RDH13: variants seen among roughly 807,000 people sequenced by gnomAD.
The protein encoded by RDH13 is retinol dehydrogenase 13 (all-trans and 9-cis).
Under a neutral mutation model 28.3 loss-of-function variants are expected in RDH13, and 35 were observed. That is an observed-to-expected ratio of 1.24 (90% confidence interval 0.95 to 1.64). RDH13 has a LOEUF of 1.64. Ranked by LOEUF, RDH13 falls within the 40% of genes most tolerant of loss-of-function variation. RDH13 has a pLI of 0.00. For synonymous variants in RDH13, 229 were observed against 198.5 expected (o/e 1.15, Z -1.29); for missense variants, 514 against 446.3 (o/e 1.15, Z -1.37).
At chr19:55,045,330 A>G (rs1157088328) in intron 6 of RDH13, 21 bp from the exon 7 acceptor site, 4 of 1,585,402 alleles carry the variant, frequency 2.5e-6, no homozygotes, top group African/African-American at 1.3e-5. Flanking sequence ...CCCACAGGGC[A>G]TTTAGTCCAC....
At chr19:55,047,098 G>C in intron 6 of RDH13, 2 of 1,330,000 alleles carry the variant, frequency 1.5e-6, no homozygotes. Context: ...GGTGAAGCTG[G>C]AGTTACCCTG....
intron 6 of RDH13, chr19:55,046,629 A>C (rs1480709876): frequency 6.6e-6 from 1 of 152,056 alleles, no homozygotes; most frequent in East Asian, 1.9e-4. Context: ...ACTAGTCATA[A>C]AGCATGAACT....
rs111427426 is a variant in RDH13 at position 55,052,063 on chromosome 19, C to CTTTTT, written c.341-3305_341-3301dup. On this transcript the variant is annotated intron_variant, in intron 3 of 6. Transcript: ENST00000415061. ...TTTGTTTATCTGGGAACTGCCTCAACTTTTTTTTTTTTTTTTTTTTTTTGG... is the reference window on the plus strand; with the variant it reads ...TTTGTTTATCTGGGAACTGCCTCAACTTTTTTTTTTTTTTTTTTTTTTTTTTTTGG... Among the ~76,000 whole-genome samples the CTTTTT allele has an allele frequency of 2.6e-3, 315 of 120,638 alleles. 1 individual carries two copies. Among genetic ancestry groups the CTTTTT allele is most frequent in the African/African-American group, 3.7e-3 (109 of 29,286 alleles). 79.1% of individuals were successfully genotyped at this position (120,638 alleles called of 152,430 possible).
intron 3 of RDH13, among the ~76,000 whole-genome samples, chr19:55,049,417 C>T (rs565180746): frequency 2.0e-5 from 3 of 152,272 alleles, no homozygotes; most frequent in Middle Eastern, 3.4e-3. Context: ...CTGTAAAATG[C>T]GCTGAACCAC....
rs779810279 is a variant in RDH13, at chr19:55,047,503, A to G, written c.659-15T>C. ...CACACCAGAGCCTGGGGAAGAAAGA[A>G]AGAGAAGACTGAGGGAGGGGTCCAG... On this transcript the variant is annotated splice_polypyrimidine_tract_variant and intron_variant, in intron 5 of 6. Coordinates refer to ENST00000415061, the MANE Select transcript of RDH13 (RefSeq NM_001145971.2). The G allele has an allele frequency of 4.4e-6, 7 of 1,598,884 alleles. No individual in the cohort carries two copies. Among genetic ancestry groups the G allele is most frequent in the South Asian group, 1.1e-5 (1 of 90,102 alleles).
At chr19:55,051,115 C>T (rs754875205) in intron 3 of RDH13, 3 of 152,010 alleles carry the variant, frequency 2.0e-5, no homozygotes, top group Non-Finnish European at 4.4e-5. Flanking sequence ...ACTGGAAATA[C>T]AGGGTGGACA....
chr19:55,050,334 C>T (rs1198145957), intron 3 of RDH13, among the ~76,000 whole-genome samples: 1 of 152,168 alleles, frequency 6.6e-6, no homozygotes, highest in East Asian at 1.9e-4. Flanking sequence ...CCAGGCTAGT[C>T]TCACACTCCT....
chr19:55,045,848 G>A (rs544666477), intron 6 of RDH13, among the ~76,000 whole-genome samples: 1 of 151,580 alleles, frequency 6.6e-6, no homozygotes, highest in African/African-American at 2.4e-5. Flanking sequence ...CGGGAGGCTG[G>A]GGCAGGAGAA....
At chr19:55,065,262 C>T (rs113785891), upstream of RDH13, among the ~76,000 whole-genome samples, 3,104 of 151,456 alleles carry the variant, frequency 0.02, 118 homozygotes, top group African/African-American at 0.072. Context: ...CACGCATCTG[C>T]ACCCTCAGCT....
At chr19:55,048,239 C>G in intron 5 of RDH13, 90 bp downstream of exon 5, 6 of 1,576,546 alleles carry the variant, frequency 3.8e-6, no homozygotes, top group South Asian at 3.4e-5. Context: ...CTGGATCCAC[C>G]GTTTGGCCTC....
chr19:55,065,748 C>T (rs916622209), upstream of RDH13, among the ~76,000 whole-genome samples: 9 of 151,730 alleles, frequency 5.9e-5, no homozygotes, highest in African/African-American at 2.2e-4. Context: ...TTGAGAGTCT[C>T]TCTCCGATGC....
intron 3 of RDH13, among the ~76,000 whole-genome samples, chr19:55,053,142 T>C (rs1283666078): frequency 9.0e-6 from 1 of 111,532 alleles, no homozygotes; most frequent in Non-Finnish European, 1.8e-5. Flanking sequence ...TCTCACAAAC[T>C]GATCTTCCCA....
chr19:55,052,318 G>T (rs62122055), intron 3 of RDH13, among the ~76,000 whole-genome samples: 67,039 of 150,720 alleles, frequency 0.44, 15,124 homozygotes, highest in East Asian at 0.58. Flanking sequence ...TGAGGCAGGA[G>T]AATTATTTGA....
intron 1 of RDH13, chr19:55,068,853 A>AGAAGAAAAGAAAT (rs1418160438): frequency 8.3e-6 from 1 of 120,194 alleles, no homozygotes; most frequent in African/African-American, 3.3e-5. Flanking sequence ...AGAAAAGAAA[A>AGAAGAAAAGAAAT]GAAAAAAAGA....
chr19:55,045,446 A>G lies in RDH13; in HGVS notation c.761-137T>C, dbSNP rs1324927467. On this transcript the variant is annotated intron_variant, in intron 6 of 6. Coordinates refer to ENST00000415061, the MANE Select transcript of RDH13 (RefSeq NM_001145971.2). Reference sequence around the variant, plus strand: ...TAGCCCTTTCCCCTTGGCTGCCTCCATCTGCAGTTCCCTTCCCTGGCACTG... The same window carrying G: ...TAGCCCTTTCCCCTTGGCTGCCTCCGTCTGCAGTTCCCTTCCCTGGCACTG... 7.9e-5 allele frequency: 50 copies of G among 633,226 alleles called. No homozygotes were observed. In the East Asian group the frequency reaches 1.4e-3, roughly 18 times the overall value. The allele number at this position is 633,226 out of a possible 1,614,324, so 39.2% of individuals were successfully genotyped here. A position where few individuals can be genotyped will look rare whatever the true frequency, so the allele number is the denominator to read the frequency against.
At chr19:55,058,980 A>C (rs1261515732) in intron 2 of RDH13, among the ~76,000 whole-genome samples, 177 bp downstream of exon 2, 1 of 152,216 alleles carries the variant, frequency 6.6e-6, no homozygotes, top group African/African-American at 2.4e-5. Flanking sequence ...CCCGGCCAGA[A>C]TGCCCTTCCT....
intron 3 of RDH13, among the ~76,000 whole-genome samples, chr19:55,051,901 T>C (rs547617627): frequency 6.6e-6 from 1 of 151,960 alleles, no homozygotes; most frequent in East Asian, 2.0e-4. Context: ...GCAGCTACTT[T>C]TAAAATTTTT....
At chr19:55,056,569 T>C in intron 3 of RDH13, 84 bp downstream of exon 3, 1 of 1,510,332 alleles carries the variant, frequency 6.6e-7, no homozygotes. Flanking sequence ...GCTCTAAAGT[T>C]TGCTTGCTTC....
intron 3 of RDH13, among the ~76,000 whole-genome samples, chr19:55,049,789 C>CAA (rs71181733): frequency 0.14 from 17,894 of 126,306 alleles, 1,483 homozygotes; most frequent in Middle Eastern, 0.31. Flanking sequence ...AACTCCATCT[C>CAA]AAAAAAAAAA....
Sources: gnomAD v4.1 joint callset for allele counts (sites outside exome capture counted in the v4.1 genomes callset) on GRCh38, gnomAD v4.1.1 for gene constraint, MANE v1.5 for transcripts, NCBI Gene and HGNC (gene_info 2026-07-23, HGNC 2026-07-21) for gene names.